Variants in ADAMTSL1 observed in about 807,000 individuals in gnomAD.
ADAMTSL1 encodes ADAMTS like 1, also known as ADAMTS-like protein 1.
In ADAMTSL1, 126 loss-of-function variants were observed where a neutral mutation model predicts 201.8. The ratio of observed to expected loss-of-function variants is 0.62; its 90% CI spans 0.54 to 0.72. The LOEUF (loss-of-function observed/expected upper bound fraction) is 0.72, where lower values mean the gene tolerates loss of function less well. Among genes scored for constraint, ADAMTSL1 ranks in the 30% least tolerant of loss-of-function variants. The pLI is 0.00. For missense variants in ADAMTSL1, 2,679 were observed against 2,277.8 expected, an observed-to-expected ratio of 1.18 and a Z score of -3.59; for synonymous variants, 1,121 against 903.4, an observed-to-expected ratio of 1.24 and a Z score of -4.32.
intron 15 of ADAMTSL1, among the ~76,000 whole-genome samples, chr9:18,733,476 C>A (rs1477089080): frequency 6.6e-6 from 1 of 152,288 alleles, no homozygotes; most frequent in East Asian, 1.9e-4. Flanking sequence ...GCAAAAAGCT[C>A]ATTTCCTTAA....
intron 15 of ADAMTSL1, among the ~76,000 whole-genome samples, chr9:18,747,011 G>A (rs1484596303): frequency 6.6e-6 from 1 of 152,124 alleles, no homozygotes; most frequent in East Asian, 1.9e-4. Context: ...TGGTATCAGT[G>A]TGTTTGTTTC....
At chr9:18,375,329 G>A (rs2791444) in intron 2 of ADAMTSL1, among the ~76,000 whole-genome samples, 147,864 of 152,286 alleles carry the variant, frequency 0.97, 71,930 homozygotes, top group East Asian at 1. Context: ...TGGGCTAATT[G>A]CTATTTTTTT....
chr9:17,990,499 A>C (rs1819109241), intron 1 of ADAMTSL1, among the ~76,000 whole-genome samples: 1 of 152,046 alleles, frequency 6.6e-6, no homozygotes, highest in African/African-American at 2.4e-5. Context: ...TTTAGGTCTG[A>C]GATTTTTTTT....
chr9:18,831,054 C>G (rs1246964825), intron 23 of ADAMTSL1, among the ~76,000 whole-genome samples: 1 of 152,202 alleles, frequency 6.6e-6, no homozygotes, highest in African/African-American at 2.4e-5. Context: ...GGCCTGGTAT[C>G]TTTAGGATTA....
intron 8 of ADAMTSL1, among the ~76,000 whole-genome samples, chr9:18,660,203 A>G (rs947050471): frequency 1.3e-5 from 2 of 152,210 alleles, no homozygotes; most frequent in African/African-American, 4.8e-5. Flanking sequence ...GACTGTTCTG[A>G]GTGAAGATGT....
intron 4 of ADAMTSL1, among the ~76,000 whole-genome samples, chr9:18,589,038 G>A (rs1823739558): frequency 6.6e-6 from 1 of 151,396 alleles, no homozygotes; most frequent in Non-Finnish European, 1.5e-5. Flanking sequence ...TACCATGACT[G>A]GCTAATTTTT....
At chr9:18,001,532 C>T (rs1463711512) in intron 1 of ADAMTSL1, among the ~76,000 whole-genome samples, 1 of 151,960 alleles carries the variant, frequency 6.6e-6, no homozygotes, top group Non-Finnish European at 1.5e-5. Flanking sequence ...GAAGGTGCAT[C>T]TAATCTTAGA....
chr9:18,646,018 T>C (rs1436751711), intron 7 of ADAMTSL1, among the ~76,000 whole-genome samples: 1 of 152,224 alleles, frequency 6.6e-6, no homozygotes, highest in Non-Finnish European at 1.5e-5. Context: ...TTCCTATCCA[T>C]GAGCATAGAA....
chr9:18,623,016 C>T (rs546350449), intron 5 of ADAMTSL1, among the ~76,000 whole-genome samples: 2 of 152,290 alleles, frequency 1.3e-5, no homozygotes, highest in Middle Eastern at 3.4e-3. Context: ...TTGCCTCAAC[C>T]TTGCAAGTAG....
intron 1 of ADAMTSL1, among the ~76,000 whole-genome samples, chr9:17,981,165 G>C (rs946531674): frequency 3.3e-5 from 5 of 152,154 alleles, no homozygotes; most frequent in African/African-American, 1.2e-4. Context: ...AGATACAATG[G>C]GAAGGTGGCC....
At chr9:18,820,868 G>A (rs1455803482) in intron 21 of ADAMTSL1, among the ~76,000 whole-genome samples, 1 of 152,224 alleles carries the variant, frequency 6.6e-6, no homozygotes, top group Admixed American at 6.5e-5. Flanking sequence ...AGGATCAGGG[G>A]AAGAAGCAGT....
intron 23 of ADAMTSL1, among the ~76,000 whole-genome samples, chr9:18,852,623 C>T (rs917838315): frequency 2.6e-5 from 4 of 151,944 alleles, no homozygotes; most frequent in South Asian, 2.1e-4. Flanking sequence ...AGCCTATCTC[C>T]GAAAAATTAA....
chr9:18,181,392 C>A (rs1330782367), intron 2 of ADAMTSL1, among the ~76,000 whole-genome samples: 2 of 152,110 alleles, frequency 1.3e-5, no homozygotes, highest in Non-Finnish European at 2.9e-5. Context: ...ACTCATCTGA[C>A]CAAGGGGTAA....
chr9:18,097,133 C>A (rs1411025137), intron 1 of ADAMTSL1, among the ~76,000 whole-genome samples: 1 of 152,182 alleles, frequency 6.6e-6, no homozygotes, highest in Non-Finnish European at 1.5e-5. Context: ...CATTGCAAGC[C>A]AACATCACTA....
At chr9:18,666,261 G>A (rs1270298409) in intron 9 of ADAMTSL1, among the ~76,000 whole-genome samples, 1 of 152,098 alleles carries the variant, frequency 6.6e-6, no homozygotes, top group East Asian at 1.9e-4. Flanking sequence ...TTGTTTCCTG[G>A]CCAAAAGTGG....
At position 18,910,137 on chromosome 9, in the gene ADAMTSL1, T is replaced by A. The variant is rs918142236; in HGVS notation, c.*1589T>A. On this transcript the variant is annotated 3_prime_UTR_variant, in exon 29 of 29. Coordinates refer to ENST00000380548, the MANE Select transcript of ADAMTSL1 (RefSeq NM_001040272.6). ...TTTCCAGCCAGCCTGGAAGTAAAAT[T>A]TGAGAGGAAGACAATATTAATCTGT... 2.0e-5 allele frequency: 3 copies of A among 152,104 alleles called. No individual in the cohort carries two copies. Among genetic ancestry groups the A allele is most frequent in the Admixed American group, 2.0e-4 (3 of 15,264 alleles). 9.4% of individuals were successfully genotyped at this position (152,104 alleles called of 1,614,324 possible).
chr9:18,365,737 C>T (rs550230154), intron 2 of ADAMTSL1, among the ~76,000 whole-genome samples: 1 of 152,184 alleles, frequency 6.6e-6, no homozygotes, highest in Non-Finnish European at 1.5e-5. Flanking sequence ...GGTGTCCATC[C>T]CCCGGGCTGT....
At chr9:18,122,541 C>T (rs1048995333) in intron 1 of ADAMTSL1, among the ~76,000 whole-genome samples, 16 of 152,104 alleles carry the variant, frequency 1.1e-4, no homozygotes, top group Non-Finnish European at 1.9e-4. Flanking sequence ...TCTGATTCTA[C>T]TAGTGTGATT....
At chr9:18,770,553 C>A in intron 16 of ADAMTSL1, 49 bp from the exon 17 acceptor site, 2 of 1,537,900 alleles carry the variant, frequency 1.3e-6, no homozygotes, top group South Asian at 2.4e-5. Context: ...GTCAGACTGC[C>A]TTCCCATATT....
Sources: allele counts gnomAD v4.1 joint callset (sites outside exome capture counted in the v4.1 genomes callset), GRCh38; gene constraint gnomAD v4.1.1; transcripts MANE v1.5; gene names NCBI Gene and HGNC (gene_info 2026-07-23, HGNC 2026-07-21).